RPL31: variants seen among roughly 807,000 people sequenced by gnomAD.
The protein encoded by RPL31 is ribosomal protein L31.
For missense variants in RPL31, 95 were observed against 164.0 expected (o/e 0.58, Z 2.30); for synonymous variants, 51 against 55.0 (o/e 0.93, Z 0.32).
downstream of RPL31, among the ~76,000 whole-genome samples, chr2:101,012,213 A>G (rs1314949500): frequency 6.6e-6 from 1 of 152,210 alleles, no homozygotes; most frequent in East Asian, 1.9e-4. Flanking sequence ...CTACATATAC[A>G]CCCAAGAGAA....
intron 4 of RPL31, among the ~76,000 whole-genome samples, chr2:101,014,809 A>G (rs1228371873): frequency 6.6e-6 from 1 of 152,232 alleles, no homozygotes; most frequent in Admixed American, 6.5e-5. Context: ...AAAGTGAAGA[A>G]TCAAGATAGT....
chr2:101,011,523 G>A (rs769722651), downstream of RPL31: 6 of 1,613,834 alleles, frequency 3.7e-6, no homozygotes, highest in Non-Finnish European at 4.2e-6. Context: ...TGGCTGTCTC[G>A]GTCATTTTCA....
downstream of RPL31, chr2:101,008,244 CAG>C (rs1169828957): frequency 1.3e-6 from 2 of 1,559,124 alleles, no homozygotes; most frequent in Admixed American, 1.9e-5. Context: ...ACATACTGTA[CAG>C]AGTTTTACAG....
chr2:101,003,079 A>G (rs564860571), intron 2 of RPL31, among the ~76,000 whole-genome samples: 9 of 152,236 alleles, frequency 5.9e-5, no homozygotes, highest in Non-Finnish European at 1.3e-4. Flanking sequence ...CTACCCAAAC[A>G]TGCGTGGTCT....
downstream of RPL31, among the ~76,000 whole-genome samples, chr2:101,009,078 C>G (rs74263216): frequency 5.4e-3 from 828 of 152,176 alleles, 19 homozygotes; most frequent in East Asian, 0.064. Flanking sequence ...TCTAGCTACA[C>G]AATTACTCCA....
exon 5 of RPL31, chr2:101,019,015 G>A (rs777363841): frequency 4.3e-6 from 7 of 1,612,446 alleles, no homozygotes; most frequent in Non-Finnish European, 5.9e-6. Context: ...GCTAAACAGT[G>A]TTACAGTCGC....
chr2:101,011,327 G>A (rs368021010), downstream of RPL31: 6 of 1,031,740 alleles, frequency 5.8e-6, no homozygotes, highest in East Asian at 2.4e-5. Context: ...GTGAGTTTGG[G>A]GATAATTCAT....
chr2:101,002,475 G>A (rs1573832176), intron 1 of RPL31, 160 bp downstream of exon 1: 4 of 583,776 alleles, frequency 6.9e-6, no homozygotes, highest in Admixed American at 3.1e-5. Context: ...AGAGCCTGAG[G>A]AAGAAAGTGA....
At chr2:101,018,931 C>G in intron 4 of RPL31, 3 of 1,578,178 alleles carry the variant, frequency 1.9e-6, no homozygotes, top group Non-Finnish European at 2.6e-6. Flanking sequence ...TCCTAATCTT[C>G]TGGAATGCTC....
intron 3 of RPL31, chr2:101,005,382 CA>C (rs1206771750): frequency 6.5e-6 from 1 of 154,976 alleles, no homozygotes; most frequent in African/African-American, 2.4e-5. Flanking sequence ...AGTCTCAGCT[CA>C]CTGCAACCTC....
At chr2:101,013,632 G>A (rs906681316) in intron 4 of RPL31, among the ~76,000 whole-genome samples, 1 of 152,176 alleles carries the variant, frequency 6.6e-6, no homozygotes, top group Non-Finnish European at 1.5e-5. Flanking sequence ...CTCCTTTATA[G>A]CCTTAGGGAC....
At chr2:101,002,501 C>T in intron 1 of RPL31, 186 bp downstream of exon 1, 2 of 610,332 alleles carry the variant, frequency 3.3e-6, no homozygotes, top group East Asian at 5.6e-5. Context: ...CTTAGGGGAG[C>T]CGGAGCGGCA....
intron 4 of RPL31, among the ~76,000 whole-genome samples, chr2:101,017,235 C>T (rs1194539202): frequency 6.6e-5 from 10 of 152,014 alleles, no homozygotes; most frequent in Admixed American, 2.6e-4. Flanking sequence ...TCTGGAATAG[C>T]GCCTGAAGGA....
chr2:101,005,928 G>A (rs1573836738), intron 3 of RPL31, 31 bp from the exon 4 acceptor site: 1 of 1,585,658 alleles, frequency 6.3e-7, no homozygotes, highest in South Asian at 1.1e-5. Flanking sequence ...AGGAGGCATT[G>A]ACTTCAGCAA....
downstream of RPL31, among the ~76,000 whole-genome samples, chr2:101,008,705 G>C (rs145664930): frequency 8.6e-3 from 1,305 of 152,198 alleles, 16 homozygotes; most frequent in African/African-American, 0.029. Flanking sequence ...CCAGCTACTT[G>C]GGAGGCTGAG....
intron 1 of RPL31, 193 bp from the exon 2 acceptor site, chr2:101,002,509 G>T: frequency 1.6e-6 from 1 of 613,850 alleles, no homozygotes; most frequent in Non-Finnish European, 3.0e-6. Flanking sequence ...AGCCGGAGCG[G>T]CAGGGATTTC....
chr2:101,009,914 C>T (rs936753627), downstream of RPL31, among the ~76,000 whole-genome samples: 11 of 151,158 alleles, frequency 7.3e-5, no homozygotes, highest in Admixed American at 1.3e-4. Flanking sequence ...CTCCGCCTCC[C>T]GGGTTCATGC....
intron 4 of RPL31, among the ~76,000 whole-genome samples, chr2:101,013,154 G>C (rs1679359199): frequency 6.6e-6 from 1 of 152,202 alleles, no homozygotes; most frequent in Non-Finnish European, 1.5e-5. Context: ...TATTAACAGT[G>C]ACAAGGAGCT....
At chr2:101,002,866 A>G in intron 2 of RPL31, 58 bp downstream of exon 2, 1 of 1,258,436 alleles carries the variant, frequency 7.9e-7, no homozygotes, top group Non-Finnish European at 1.2e-6. Flanking sequence ...TGTTACCGAG[A>G]GATGTGCCGA....
Sources: gnomAD v4.1 joint callset for allele counts (sites outside exome capture counted in the v4.1 genomes callset) on GRCh38, gnomAD v4.1.1 for gene constraint, MANE v1.5 for transcripts, NCBI Gene and HGNC (gene_info 2026-07-23, HGNC 2026-07-21) for gene names.